LAMB1: variants seen among roughly 807,000 people sequenced by gnomAD.
The protein encoded by LAMB1 is laminin subunit beta-1.
Under a neutral mutation model 222.3 loss-of-function variants are expected in LAMB1, and 121 were observed. The ratio of observed to expected loss-of-function variants is 0.54; its 90% CI spans 0.47 to 0.63. The LOEUF is 0.63. Among genes scored for constraint, LAMB1 ranks in the 30% least tolerant of loss-of-function variants. LAMB1 has a pLI of 0.00. For synonymous variants in LAMB1, 794 were observed against 807.2 expected, an observed-to-expected ratio of 0.98 and a Z score of 0.28; for missense variants, 2,172 against 2,240.8, an observed-to-expected ratio of 0.97 and a Z score of 0.62.
intron 9 of LAMB1, among the ~76,000 whole-genome samples, chr7:107,976,166 G>A (rs976299567): frequency 1.3e-5 from 2 of 152,212 alleles, no homozygotes; most frequent in Non-Finnish European, 2.9e-5. Context: ...AGTCCCTTTG[G>A]AAGTGTATGA....
At chr7:107,953,799 T>G (rs373598364) in intron 21 of LAMB1, 45 bp from the exon 22 acceptor site, 118 of 1,549,138 alleles carry the variant, frequency 7.6e-5, no homozygotes, top group Non-Finnish European at 1.0e-4. Flanking sequence ...GCTTATTGAC[T>G]GAAAGCTCAC....
rs17154628 is a variant in LAMB1 at position 107,929,748 on chromosome 7, T to A, written c.4538-129A>T. The A allele has an allele frequency of 0.019, 13,038 of 694,572 alleles. 1,229 individuals are homozygous for A. The African/African-American group carries it at 0.2, about 11-fold the overall frequency. The allele number at this position is 694,572 out of a possible 1,614,324, so 43.0% of individuals were successfully genotyped here. ...CACACCAAGAGACACTAACTTCCTG[T>A]TTAAGAGTTTATAATCTATCTGGGA... On this transcript the variant is annotated intron_variant, in intron 29 of 33. Coordinates refer to ENST00000222399, the MANE Select transcript of LAMB1 (RefSeq NM_002291.3).
In LAMB1 at chr7:107,934,835, G is replaced by A. The variant is rs116267183; in HGVS notation, c.4188+580C>T. ...CATCTCAGCTACTCAGGAGGGTGAGGTGGGAAGATCGCTTCAGCCTAGGAG... is the reference window on the plus strand; with the variant it reads ...CATCTCAGCTACTCAGGAGGGTGAGATGGGAAGATCGCTTCAGCCTAGGAG... On this transcript the variant is annotated intron_variant, in intron 27 of 33. Transcript: ENST00000222399. 8.7e-3 allele frequency among the ~76,000 whole-genome samples: 1,318 copies of A among 150,832 alleles called. 22 individuals carry two copies. The highest frequency in any genetic ancestry group is 0.031 in the African/African-American group (1,286 of 41,054).
intron 3 of LAMB1, among the ~76,000 whole-genome samples, chr7:108,001,323 G>A (rs2034378022): frequency 6.6e-6 from 1 of 152,248 alleles, no homozygotes; most frequent in African/African-American, 2.4e-5. Context: ...AGCCAGGGCT[G>A]TCGGCAGTCC....
intron 24 of LAMB1, chr7:107,942,835 A>T (rs2033022890): frequency 6.6e-6 from 1 of 152,192 alleles, no homozygotes; most frequent in South Asian, 2.1e-4. Flanking sequence ...TGTTCCGGTT[A>T]TATGTTTATT....
chr7:107,953,435 C>A, intron 22 of LAMB1, 95 bp downstream of exon 22: 1 of 961,626 alleles, frequency 1.0e-6, no homozygotes, highest in Non-Finnish European at 1.6e-6. Context: ...AGTGTTTTCC[C>A]AAGTGAAATA....
At chr7:107,924,782 G>A (rs2116302474) in intron 32 of LAMB1, among the ~76,000 whole-genome samples, 1 of 152,258 alleles carries the variant, frequency 6.6e-6, no homozygotes, top group Middle Eastern at 3.4e-3. Flanking sequence ...TAGGATTTGT[G>A]AAGACTTGCT....
At chr7:107,975,541 T>A (rs967362774) in intron 10 of LAMB1, 128 bp from the exon 11 acceptor site, 9 of 1,215,978 alleles carry the variant, frequency 7.4e-6, no homozygotes, top group Non-Finnish European at 9.1e-6. Flanking sequence ...AACTACCAAG[T>A]AAATTCCACT....
Position 107,929,162 on chromosome 7 carries a change from C to T in LAMB1, c.4789G>A (p.Glu1597Lys), listed in dbSNP as rs757851199. The change falls in exon 31 of 34, where the codon GAA becomes AAA. Residue 1597 changes from glutamate to lysine, a missense_variant. Coordinates refer to ENST00000222399, the MANE Select transcript of LAMB1 (RefSeq NM_002291.3). ...GCCTTTTCTGCTTCTTCCAGAGCTT[C>T]CTTTACCATATCTGCAGTGACTTTA... is the stretch of plus-strand genomic sequence containing the variant. ...DVKVTADMVK[E>K]ALEEAEKAQV... is the part of the protein sequence containing the mutation. 1.2e-6 allele frequency: 2 copies of T among 1,613,856 alleles called. No homozygotes were observed. The highest frequency in any genetic ancestry group is 2.7e-5 in the African/African-American group (2 of 74,890).
At chr7:107,953,468 C>T in intron 22 of LAMB1, 62 bp downstream of exon 22, 1 of 1,178,762 alleles carries the variant, frequency 8.5e-7, no homozygotes, top group Non-Finnish European at 1.3e-6. Context: ...ATAAAATCTG[C>T]TGATAATGAA....
chr7:107,924,693 C>T lies in LAMB1; in HGVS notation c.5065-304G>A, dbSNP rs13646. Among the ~76,000 whole-genome samples, 99,462 of 151,990 alleles carry T rather than the reference C, an allele frequency of 0.65. 33,282 individuals carry two copies. Among genetic ancestry groups the T allele is most frequent in the East Asian group, 0.85 (4,375 of 5,168 alleles). ...TTGTATTGCAAATTACATAGAGAAG[C>T]GCAGATTTTTCAAAAGTAGATTAGA... On this transcript the variant is annotated intron_variant, in intron 32 of 33. Coordinates refer to ENST00000222399, the MANE Select transcript of LAMB1 (RefSeq NM_002291.3).
intron 5 of LAMB1, among the ~76,000 whole-genome samples, chr7:107,991,785 G>A (rs189082015): frequency 1.9e-3 from 283 of 150,930 alleles, no homozygotes; most frequent in African/African-American, 6.6e-3. Flanking sequence ...GCACATGCCC[G>A]TAATCCTAGC....
intron 5 of LAMB1, among the ~76,000 whole-genome samples, chr7:107,990,601 G>T (rs1033887497): frequency 6.6e-6 from 1 of 152,104 alleles, no homozygotes; most frequent in African/African-American, 2.4e-5. Context: ...GAAAAGAATG[G>T]CTACTCCATA....
chr7:107,953,119 G>A (rs1387365143), intron 22 of LAMB1, among the ~76,000 whole-genome samples: 1 of 152,220 alleles, frequency 6.6e-6, no homozygotes, highest in East Asian at 1.9e-4. Flanking sequence ...CACTTTGGAA[G>A]GCCGAGGCGG....
At chr7:107,981,843 G>A (rs2237702) in intron 7 of LAMB1, among the ~76,000 whole-genome samples, 91,959 of 152,040 alleles carry the variant, frequency 0.6, 28,713 homozygotes, top group African/African-American at 0.74. Context: ...ATTTCCCACC[G>A]CTTAAATGAC....
At chr7:108,001,844 C>T (rs1301101190) in intron 2 of LAMB1, 111 bp from the exon 3 acceptor site, 3 of 1,517,848 alleles carry the variant, frequency 2.0e-6, no homozygotes, top group Non-Finnish European at 2.7e-6. Flanking sequence ...ACAGTCCATT[C>T]GGAAGAAAGC....
intron 21 of LAMB1, among the ~76,000 whole-genome samples, chr7:107,954,410 T>C (rs1584502968): frequency 6.7e-6 from 1 of 149,116 alleles, no homozygotes; most frequent in Admixed American, 6.8e-5. Flanking sequence ...GCTCAAGCAA[T>C]CCTCCTGCCT....
Position 107,955,703 on chromosome 7 carries a change from A to T in LAMB1, c.2691-73T>A, listed in dbSNP as rs929691082. On this transcript the variant is annotated intron_variant, in intron 20 of 33. Coordinates refer to ENST00000222399, the MANE Select transcript of LAMB1 (RefSeq NM_002291.3). ...AAACCTGTTCCAAGGAAAGTCTTGA[A>T]AACTGTTCTGTTTGGGCACACTCTT... The T allele has an allele frequency of 7.1e-6, 10 of 1,409,744 alleles. No individual in the cohort carries two copies. The Admixed American group carries it at 2.3e-4, about 32-fold the overall frequency. The allele number at this position is 1,409,744 out of a possible 1,614,324, so 87.3% of individuals were successfully genotyped here. A position where few individuals can be genotyped will look rare whatever the true frequency, so the allele number is the denominator to read the frequency against.
chr7:107,973,769 C>T (rs2033799114), intron 12 of LAMB1, among the ~76,000 whole-genome samples: 3 of 152,104 alleles, frequency 2.0e-5, no homozygotes, highest in African/African-American at 7.2e-5. Flanking sequence ...CCTTAGCCTC[C>T]CGAGTAGCTG....
Sources: gnomAD v4.1 joint callset for allele counts (sites outside exome capture counted in the v4.1 genomes callset) on GRCh38, gnomAD v4.1.1 for gene constraint, MANE v1.5 for transcripts, NCBI Gene and HGNC (gene_info 2026-07-23, HGNC 2026-07-21) for gene names.